Variants in TNR observed in about 807,000 individuals in gnomAD.
TNR encodes the protein tenascin R, also known as tenascin-R.
TNR carries 45 observed loss-of-function variants against 150.4 expected under a neutral mutation model. The observed-to-expected ratio is 0.30, with a 90% confidence interval of 0.24 to 0.38. The LOEUF is 0.38. Among genes scored for constraint, TNR ranks in the 10% least tolerant of loss-of-function variants. The probability of loss-of-function intolerance (pLI) is 1.00; values close to 1 mark genes in which losing one functional copy is unlikely to be tolerated. For missense variants in TNR, 1,544 were observed against 1,759.1 expected, an observed-to-expected ratio of 0.88 and a Z score of 2.19; for synonymous variants, 687 against 678.4, an observed-to-expected ratio of 1.01 and a Z score of -0.20.
intron 1 of TNR, among the ~76,000 whole-genome samples, chr1:175,566,591 G>C (rs1661652834): frequency 6.6e-6 from 1 of 152,208 alleles, no homozygotes; most frequent in Non-Finnish European, 1.5e-5. Context: ...GCTGGAAGGG[G>C]ATCTTCCTCT....
intron 1 of TNR, among the ~76,000 whole-genome samples, chr1:175,554,852 C>T (rs1661086994): frequency 6.6e-6 from 1 of 152,188 alleles, no homozygotes; most frequent in South Asian, 2.1e-4. Context: ...AGTTAGAGCT[C>T]ATTGAGCCTT....
At chr1:175,435,198 C>T (rs986854136) in intron 2 of TNR, among the ~76,000 whole-genome samples, 1 of 152,032 alleles carries the variant, frequency 6.6e-6, no homozygotes, top group African/African-American at 2.4e-5. Flanking sequence ...AGTAGAAATA[C>T]CAGTTAGGAC....
intron 18 of TNR, among the ~76,000 whole-genome samples, chr1:175,346,054 T>C (rs1050425547): frequency 6.6e-6 from 1 of 152,128 alleles, no homozygotes; most frequent in African/African-American, 2.4e-5. Flanking sequence ...ACAAATATTT[T>C]TAGGTAGTAT....
At chr1:175,526,267 T>A (rs577108648) in intron 2 of TNR, among the ~76,000 whole-genome samples, 13 of 151,994 alleles carry the variant, frequency 8.6e-5, no homozygotes, top group African/African-American at 3.1e-4. Flanking sequence ...AATGGCTAAA[T>A]AATAGTTGCT....
At chr1:175,515,716 T>C (rs1406140064) in intron 2 of TNR, among the ~76,000 whole-genome samples, 1 of 152,078 alleles carries the variant, frequency 6.6e-6, no homozygotes, top group East Asian at 1.9e-4. Context: ...GCCACCAGGG[T>C]GCTGTGGGGA....
chr1:175,604,586 C>T (rs1663354087), intron 1 of TNR, among the ~76,000 whole-genome samples: 1 of 152,208 alleles, frequency 6.6e-6, no homozygotes, highest in Non-Finnish European at 1.5e-5. Context: ...CAGAGACAGA[C>T]TGGCTGACTC....
intron 1 of TNR, among the ~76,000 whole-genome samples, chr1:175,664,535 G>A (rs1424632743): frequency 6.6e-6 from 1 of 152,160 alleles, no homozygotes; most frequent in Non-Finnish European, 1.5e-5. Context: ...CATGTGGTAG[G>A]CTACTCTGAA....
intron 1 of TNR, among the ~76,000 whole-genome samples, chr1:175,703,709 A>G (rs547810777): frequency 1.3e-5 from 2 of 152,248 alleles, no homozygotes; most frequent in Non-Finnish European, 2.9e-5. Context: ...TAGATGACCA[A>G]TAAACATATG....
intron 2 of TNR, among the ~76,000 whole-genome samples, chr1:175,439,587 C>A (rs1022975109): frequency 2.6e-5 from 4 of 152,140 alleles, no homozygotes. Context: ...AGTGAACAGG[C>A]AACCTACAGA....
intron 1 of TNR, among the ~76,000 whole-genome samples, chr1:175,643,022 T>C (rs190546003): frequency 5.8e-4 from 88 of 152,246 alleles, no homozygotes; most frequent in Admixed American, 2.3e-3. Flanking sequence ...GAGGGGCAAG[T>C]GATAGTTTTG....
At chr1:175,609,034 G>A (rs955916739) in intron 1 of TNR, among the ~76,000 whole-genome samples, 4 of 152,196 alleles carry the variant, frequency 2.6e-5, no homozygotes, top group Admixed American at 6.5e-5. Flanking sequence ...ACTCCTCACA[G>A]CACTGTGTGT....
intron 2 of TNR, among the ~76,000 whole-genome samples, chr1:175,494,350 GT>G (rs1271394632): frequency 6.6e-6 from 1 of 152,236 alleles, no homozygotes; most frequent in African/African-American, 2.4e-5. Flanking sequence ...CTGATTCATA[GT>G]CCCCGGCACC....
At chr1:175,436,468 T>A (rs1655515543) in intron 2 of TNR, among the ~76,000 whole-genome samples, 1 of 152,172 alleles carries the variant, frequency 6.6e-6, no homozygotes, top group Non-Finnish European at 1.5e-5. Flanking sequence ...GTAGTTCTCT[T>A]GCCTTGGTTT....
intron 2 of TNR, among the ~76,000 whole-genome samples, chr1:175,413,961 T>C (rs1392560281): frequency 1.3e-5 from 2 of 152,126 alleles, no homozygotes; most frequent in Non-Finnish European, 2.9e-5. Flanking sequence ...GGCGAAACCA[T>C]GCCTTTACAA....
chr1:175,603,595 G>T (rs1354605641), intron 1 of TNR, among the ~76,000 whole-genome samples: 6 of 152,232 alleles, frequency 3.9e-5, no homozygotes, highest in Non-Finnish European at 7.3e-5. Context: ...GAAGAGTGAT[G>T]CTAGTGGTTA....
At position 175,379,476 on chromosome 1, in the gene TNR, T is replaced by C; in HGVS notation, c.1963+76A>G. 3 of 1,369,954 alleles carry C rather than the reference T, an allele frequency of 2.2e-6. No individual in the cohort carries two copies. In the South Asian group the frequency reaches 4.1e-5, roughly 19 times the overall value. The allele number at this position is 1,369,954 out of a possible 1,614,324, so 84.9% of individuals were successfully genotyped here. A position where few individuals can be genotyped will look rare whatever the true frequency, so the allele number is the denominator to read the frequency against. ...AGGAATTGGCCATGGGTTTGTAAGATGTGTAGGTTGGGGAGACAGCTGTGA... is the reference window on the plus strand; with the variant it reads ...AGGAATTGGCCATGGGTTTGTAAGACGTGTAGGTTGGGGAGACAGCTGTGA... On this transcript the variant is annotated intron_variant, in intron 9 of 22. Coordinates refer to ENST00000367674, the MANE Select transcript of TNR (RefSeq NM_003285.3).
chr1:175,580,281 T>A (rs1214729203), intron 1 of TNR, among the ~76,000 whole-genome samples: 1 of 152,206 alleles, frequency 6.6e-6, no homozygotes, highest in Non-Finnish European at 1.5e-5. Flanking sequence ...ACCTTTTTTG[T>A]ATGCCCCGTA....
In TNR at chr1:175,379,839, C is replaced by G. The variant is rs189522775; in HGVS notation, c.1778-102G>C. 1.7e-5 allele frequency: 22 copies of G among 1,318,930 alleles called. 1 individual carries two copies. Among genetic ancestry groups the G allele is most frequent in the Admixed American group, 1.5e-4 (7 of 47,138 alleles). 81.7% of individuals were successfully genotyped at this position (1,318,930 alleles called of 1,614,324 possible). A position where few individuals can be genotyped will look rare whatever the true frequency, so the allele number is the denominator to read the frequency against. On this transcript the variant is annotated intron_variant, in intron 8 of 22. Coordinates refer to ENST00000367674, the MANE Select transcript of TNR (RefSeq NM_003285.3). ...AGATTGGTGGTGACAGCCCACACCCCCTGACCCTCTGGCTCACATTTGAAT... is the reference window on the plus strand; with the variant it reads ...AGATTGGTGGTGACAGCCCACACCCGCTGACCCTCTGGCTCACATTTGAAT...
chr1:175,360,738 C>A (rs1025507253), intron 14 of TNR, among the ~76,000 whole-genome samples: 18 of 152,258 alleles, frequency 1.2e-4, no homozygotes, highest in Admixed American at 9.8e-4. Context: ...GAATTGTATC[C>A]ATAATCTGCA....
Sources: gnomAD v4.1 joint callset for allele counts (sites outside exome capture counted in the v4.1 genomes callset) on GRCh38, gnomAD v4.1.1 for gene constraint, MANE v1.5 for transcripts, NCBI Gene and HGNC (gene_info 2026-07-23, HGNC 2026-07-21) for gene names.